Variants in CDH11 observed in about 807,000 individuals in gnomAD.
CDH11 encodes cadherin 11.
Under a neutral mutation model 67.8 loss-of-function variants are expected in CDH11, and 11 were observed. The ratio of observed to expected loss-of-function variants is 0.16; its 90% CI spans 0.10 to 0.27. The LOEUF is 0.27. Ranked by LOEUF, CDH11 falls within the 10% of genes least tolerant of loss-of-function variation. The pLI, the probability that CDH11 is intolerant of heterozygous loss-of-function variation, is 1.00. For synonymous variants in CDH11, 419 were observed against 400.0 expected, an observed-to-expected ratio of 1.05 and a Z score of -0.57; for missense variants, 847 against 1,031.2, an observed-to-expected ratio of 0.82 and a Z score of 2.45.
chr16:65,108,978 C>G lies in CDH11; in HGVS notation c.-298+12902G>C, dbSNP rs986289154. 3.3e-5 allele frequency among the ~76,000 whole-genome samples: 5 copies of G among 152,138 alleles called. No homozygotes were observed. The South Asian group carries it at 6.2e-4, about 19-fold the overall frequency. On this transcript the variant is annotated intron_variant, in intron 1 of 12. Transcript: ENST00000268603. ...CCTGGCCAACATGGTAAAACCCTGC[C>G]TCTACTAAAAATACAAAAATTAGCT... is the stretch of plus-strand genomic sequence containing the variant.
chr16:65,051,527 T>G (rs1219392313), intron 2 of CDH11, among the ~76,000 whole-genome samples: 2 of 152,182 alleles, frequency 1.3e-5, no homozygotes, highest in East Asian at 3.9e-4. Flanking sequence ...GTTATAGCAC[T>G]ATGGCCATAG....
intron 2 of CDH11, among the ~76,000 whole-genome samples, chr16:65,010,114 G>T (rs1186299910): frequency 2.0e-5 from 3 of 152,136 alleles, no homozygotes; most frequent in African/African-American, 7.2e-5. Flanking sequence ...GATCAGACAG[G>T]CTGACCTGTT....
intron 1 of CDH11, among the ~76,000 whole-genome samples, chr16:65,066,534 C>G (rs1241409058): frequency 6.6e-6 from 1 of 152,104 alleles, no homozygotes; most frequent in African/African-American, 2.4e-5. Context: ...ATAACTTACA[C>G]AAAGAAAATT....
At chr16:65,081,461 C>T (rs541033581) in intron 1 of CDH11, among the ~76,000 whole-genome samples, 5 of 151,064 alleles carry the variant, frequency 3.3e-5, no homozygotes, top group Non-Finnish European at 7.4e-5. Context: ...CCCAGCTACG[C>T]GGGAGGCTGA....
Position 64,945,795 on chromosome 16 carries a change from C to T in CDH11, c.*1808G>A. ...TGTTGACTAAATCATAAAAATAGTACATAACATGATATCAAGAAATGCTTG... is the reference window on the plus strand; with the variant it reads ...TGTTGACTAAATCATAAAAATAGTATATAACATGATATCAAGAAATGCTTG... On this transcript the variant is annotated 3_prime_UTR_variant, in exon 13 of 13. Coordinates refer to ENST00000268603, the MANE Select transcript of CDH11 (RefSeq NM_001797.4). 9.6e-7 allele frequency: 1 copy of T among 1,045,040 alleles called. No homozygotes were observed. Among genetic ancestry groups the T allele is most frequent in the Non-Finnish European group, 1.2e-6 (1 of 866,244 alleles). The allele number at this position is 1,045,040 out of a possible 1,614,324, so 64.7% of individuals were successfully genotyped here.
chr16:65,047,572 G>T (rs1035986827), intron 2 of CDH11, among the ~76,000 whole-genome samples: 1 of 151,884 alleles, frequency 6.6e-6, no homozygotes, highest in Admixed American at 6.6e-5. Flanking sequence ...GGATGGTCTC[G>T]ATCTCTTGAC....
At chr16:64,963,995 G>T (rs1424224853) in intron 11 of CDH11, among the ~76,000 whole-genome samples, 1 of 152,170 alleles carries the variant, frequency 6.6e-6, no homozygotes, top group African/African-American at 2.4e-5. Context: ...CAGAAATCTG[G>T]ATATACAGAG....
chr16:65,094,840 C>A (rs571940521), intron 1 of CDH11: 1 of 152,204 alleles, frequency 6.6e-6, no homozygotes, highest in African/African-American at 2.4e-5. Flanking sequence ...GGAACAGGCC[C>A]TTGCTAGACA....
chr16:65,103,432 T>A (rs2075023864), intron 1 of CDH11, among the ~76,000 whole-genome samples: 1 of 152,186 alleles, frequency 6.6e-6, no homozygotes, highest in Non-Finnish European at 1.5e-5. Context: ...GTTACAGTAT[T>A]ATGGAAAGAT....
At chr16:65,006,597 A>G (rs183067873) in intron 2 of CDH11, among the ~76,000 whole-genome samples, 1 of 152,316 alleles carries the variant, frequency 6.6e-6, no homozygotes, top group East Asian at 1.9e-4. Context: ...CAGAGTTGGG[A>G]ACTGGACATG....
At chr16:65,077,694 T>A (rs2074537842) in intron 1 of CDH11, among the ~76,000 whole-genome samples, 1 of 152,216 alleles carries the variant, frequency 6.6e-6, no homozygotes, top group African/African-American at 2.4e-5. Flanking sequence ...GGGAAATCCT[T>A]TTAAATTAAA....
At chr16:64,963,297 C>G (rs1432573281) in intron 11 of CDH11, among the ~76,000 whole-genome samples, 2 of 152,102 alleles carry the variant, frequency 1.3e-5, no homozygotes, top group Non-Finnish European at 2.9e-5. Context: ...TAAAAAACAT[C>G]AACAGAAATA....
intron 2 of CDH11, among the ~76,000 whole-genome samples, chr16:65,026,156 T>C (rs540137701): frequency 6.6e-6 from 1 of 152,286 alleles, no homozygotes; most frequent in African/African-American, 2.4e-5. Context: ...TGGGTGGGCA[T>C]GCCTTTTACT....
intron 5 of CDH11, 144 bp from the exon 6 acceptor site, chr16:64,992,079 A>T: frequency 1.9e-6 from 1 of 538,418 alleles, no homozygotes; most frequent in Non-Finnish European, 3.3e-6. Context: ...TTACAACCAA[A>T]GGCAGCCATA....
chr16:65,114,919 T>C (rs1041970667), intron 1 of CDH11, among the ~76,000 whole-genome samples: 3 of 152,156 alleles, frequency 2.0e-5, no homozygotes, highest in Non-Finnish European at 4.4e-5. Context: ...TCAGCCACAG[T>C]CTATTTATGA....
intron 6 of CDH11, chr16:64,991,549 C>G (rs1375069677): frequency 4.1e-6 from 2 of 488,410 alleles, no homozygotes; most frequent in East Asian, 2.9e-5. Flanking sequence ...GGTTGTAGAA[C>G]TTTTTACATC....
At position 65,047,280 on chromosome 16, in the gene CDH11, G is replaced by A. The variant is rs114358722; in HGVS notation, c.-173+6524C>T. 6.6e-3 allele frequency among the ~76,000 whole-genome samples: 1,005 copies of A among 152,114 alleles called. 13 individuals are homozygous for A. The highest frequency in any genetic ancestry group is 0.022 in the African/African-American group (928 of 41,532). On this transcript the variant is annotated intron_variant, in intron 2 of 12. Transcript: ENST00000268603. ...TGGCTTCCAGGGAATGAGATTGAAC[G>A]CCTAGAGTATAGGAATTGAAGAAGA...
chr16:64,996,886 T>G (rs774626259), intron 4 of CDH11, among the ~76,000 whole-genome samples: 73 of 152,150 alleles, frequency 4.8e-4, no homozygotes, highest in Non-Finnish European at 5.1e-4. Flanking sequence ...ATTACTAGAG[T>G]GGAGCCAGAG....
intron 2 of CDH11, among the ~76,000 whole-genome samples, chr16:65,042,278 G>A (rs1364695296): frequency 6.6e-6 from 1 of 152,134 alleles, no homozygotes; most frequent in Non-Finnish European, 1.5e-5. Context: ...AATAGACATG[G>A]TATTTGCTAA....
Sources: gnomAD v4.1 joint callset for allele counts (sites outside exome capture counted in the v4.1 genomes callset) on GRCh38, gnomAD v4.1.1 for gene constraint, MANE v1.5 for transcripts, NCBI Gene and HGNC (gene_info 2026-07-23, HGNC 2026-07-21) for gene names.